Variants in RPL39L observed in about 807,000 individuals in gnomAD.
RPL39L encodes ribosomal protein L39 like, also known as ribosomal protein eL39-like 2.
For missense variants in RPL39L, 48 were observed against 58.9 expected, an observed-to-expected ratio of 0.81 and a Z score of 0.61; for synonymous variants, 16 against 20.1, an observed-to-expected ratio of 0.80 and a Z score of 0.55.
At chr3:187,131,378 A>T (rs1396826366) in intron 1 of RPL39L, among the ~76,000 whole-genome samples, 1 of 152,170 alleles carries the variant, frequency 6.6e-6, no homozygotes, top group Admixed American at 6.5e-5. Context: ...CTCTACTAAA[A>T]ATACAAAAAT....
chr3:187,131,191 T>C (rs1442577164), intron 1 of RPL39L, among the ~76,000 whole-genome samples: 1 of 152,234 alleles, frequency 6.6e-6, no homozygotes, highest in African/African-American at 2.4e-5. Flanking sequence ...AAAAGAACTC[T>C]GGAGGGCCGG....
chr3:187,122,768 A>G (rs891675072), intron 2 of RPL39L, among the ~76,000 whole-genome samples: 2 of 152,226 alleles, frequency 1.3e-5, no homozygotes, highest in Non-Finnish European at 2.9e-5. Flanking sequence ...AGCTGAGCAC[A>G]TGATGCCCCT....
chr3:187,121,776 C>T (rs1720313730), intron 2 of RPL39L, among the ~76,000 whole-genome samples: 1 of 152,138 alleles, frequency 6.6e-6, no homozygotes, highest in Non-Finnish European at 1.5e-5. Flanking sequence ...ATTATAAGAG[C>T]CTTCCAGTTA....
At chr3:187,134,981 A>C (rs1720549649) in intron 1 of RPL39L, among the ~76,000 whole-genome samples, 1 of 152,234 alleles carries the variant, frequency 6.6e-6, no homozygotes, top group Non-Finnish European at 1.5e-5. Flanking sequence ...TGACCTTTGC[A>C]TGTTGGGTGA....
intron 1 of RPL39L, among the ~76,000 whole-genome samples, chr3:187,129,518 A>C (rs1720452116): frequency 6.6e-6 from 1 of 152,258 alleles, no homozygotes; most frequent in Non-Finnish European, 1.5e-5. Context: ...CAATACCTTA[A>C]GCACATAATT....
chr3:187,136,584 C>T (rs1480883965), intron 1 of RPL39L, among the ~76,000 whole-genome samples: 1 of 151,872 alleles, frequency 6.6e-6, no homozygotes, highest in African/African-American at 2.4e-5. Context: ...TGATATGGAT[C>T]GCATAGGATA....
chr3:187,137,182 GAAC>G (rs1720594345), intron 1 of RPL39L, among the ~76,000 whole-genome samples: 1 of 79,658 alleles, frequency 1.3e-5, no homozygotes, highest in East Asian at 4.2e-4. Context: ...TTGGGCAACA[GAAC>G]AACACTCTTC....
At chr3:187,131,984 G>A (rs1720491236) in intron 1 of RPL39L, among the ~76,000 whole-genome samples, 1 of 152,052 alleles carries the variant, frequency 6.6e-6, no homozygotes, top group Non-Finnish European at 1.5e-5. Context: ...ATTTTTCTTG[G>A]ATACTCAAGG....
intron 2 of RPL39L, among the ~76,000 whole-genome samples, chr3:187,123,625 C>G (rs1271141940): frequency 1.3e-5 from 2 of 152,212 alleles, no homozygotes; most frequent in African/African-American, 4.8e-5. Flanking sequence ...AGGGAAAGAA[C>G]TAGACTGGGT....
chr3:187,133,123 G>A (rs1360002963), intron 1 of RPL39L, among the ~76,000 whole-genome samples: 2 of 152,138 alleles, frequency 1.3e-5, no homozygotes, highest in Non-Finnish European at 2.9e-5. Context: ...ATCTCTACTG[G>A]GTACTGATGG....
chr3:187,120,970 A>G lies in RPL39L; in HGVS notation c.*175T>C, dbSNP rs1720296379. On this transcript the variant is annotated 3_prime_UTR_variant, in exon 3 of 3. Transcript: ENST00000296277. Reference sequence around the variant, plus strand: ...ACATTTTTGAAACAAAAGCTTTCACATATTTATTACTGAATCCACCCTACT... The same window carrying G: ...ACATTTTTGAAACAAAAGCTTTCACGTATTTATTACTGAATCCACCCTACT... 1 of 676,196 alleles carries G rather than the reference A, an allele frequency of 1.5e-6. No individual in the cohort carries two copies. Among genetic ancestry groups the G allele is most frequent in the South Asian group, 1.9e-5 (1 of 51,618 alleles). 41.9% of individuals were successfully genotyped at this position (676,196 alleles called of 1,614,324 possible).
intron 1 of RPL39L, among the ~76,000 whole-genome samples, chr3:187,135,698 T>C (rs1453968637): frequency 6.6e-6 from 1 of 152,228 alleles, no homozygotes; most frequent in Non-Finnish European, 1.5e-5. Flanking sequence ...CAAACAGCCT[T>C]ATCTTTCCAA....
chr3:187,134,796 G>T (rs1050398411), intron 1 of RPL39L, among the ~76,000 whole-genome samples: 5 of 152,160 alleles, frequency 3.3e-5, no homozygotes, highest in Non-Finnish European at 7.4e-5. Flanking sequence ...CAGAGATCAG[G>T]ACAAGACCAA....
chr3:187,139,060 AAAACAAAC>A (rs112153457), intron 1 of RPL39L, among the ~76,000 whole-genome samples, 145 bp downstream of exon 1: 11 of 148,060 alleles, frequency 7.4e-5, no homozygotes, highest in South Asian at 2.2e-4. Flanking sequence ...CCTGTCTCAA[AAAACAAAC>A]AAACAAACAA....
rs566406725 is a variant in RPL39L, at chr3:187,124,892, A to G, written c.-29+3107T>C. ...TCCTCAAAATTCTTATTAGGCTCAG[A>G]AACAGAATTTGTTATATAATTTCCA... On this transcript the variant is annotated intron_variant, in intron 2 of 2. Coordinates refer to ENST00000296277, the MANE Select transcript of RPL39L (RefSeq NM_052969.3). 1.6e-3 allele frequency among the ~76,000 whole-genome samples: 249 copies of G among 152,352 alleles called. 2 individuals are homozygous for G. The highest frequency in any genetic ancestry group is 3.1e-3 in the Non-Finnish European group (209 of 68,022).
intron 2 of RPL39L, among the ~76,000 whole-genome samples, chr3:187,126,983 C>T (rs1579411323): frequency 6.6e-6 from 1 of 152,350 alleles, no homozygotes; most frequent in East Asian, 1.9e-4. Flanking sequence ...TGGGCCCAAA[C>T]TTGTGGTACC....
Position 187,121,141 on chromosome 3 carries a change from T to C in RPL39L, c.*4A>G. 1 of 1,613,312 alleles carries C rather than the reference T, an allele frequency of 6.2e-7. No individual in the cohort carries two copies. Among genetic ancestry groups the C allele is most frequent in the Non-Finnish European group, 8.5e-7 (1 of 1,179,764 alleles). ...AATATGTGTGCCATCTCATGTGCAA[T>C]TCCTTATAGACCCAGCTTGGTTCTT... On this transcript the variant is annotated 3_prime_UTR_variant, in exon 3 of 3. Transcript: ENST00000296277.
intron 1 of RPL39L, among the ~76,000 whole-genome samples, chr3:187,138,816 T>G (rs1421613356): frequency 1.3e-5 from 2 of 152,126 alleles, no homozygotes; most frequent in Non-Finnish European, 2.9e-5. Context: ...TCCCAGCACT[T>G]TGGGAGGCCG....
chr3:187,126,503 T>C, intron 2 of RPL39L, among the ~76,000 whole-genome samples: 2 of 152,136 alleles, frequency 1.3e-5, no homozygotes, highest in East Asian at 1.9e-4. Flanking sequence ...CCACAGTATT[T>C]TGAAAAATAC....
Sources: gnomAD v4.1 joint callset for allele counts (sites outside exome capture counted in the v4.1 genomes callset) on GRCh38, gnomAD v4.1.1 for gene constraint, MANE v1.5 for transcripts, NCBI Gene and HGNC (gene_info 2026-07-23, HGNC 2026-07-21) for gene names.